Variants in AFF3 observed in about 807,000 individuals in gnomAD.
The protein encoded by AFF3 is AF4/FMR2 family member 3.
Under a neutral mutation model 129.7 loss-of-function variants are expected in AFF3, and 32 were observed. The ratio of observed to expected loss-of-function variants is 0.25; its 90% CI spans 0.19 to 0.33. The LOEUF is 0.33. AFF3 is among the 10% of genes least tolerant of loss of function. The probability of loss-of-function intolerance (pLI) is 1.00; values close to 1 mark genes in which losing one functional copy is unlikely to be tolerated. For synonymous variants in AFF3, 644 were observed against 635.4 expected (o/e 1.01, Z -0.20); for missense variants, 1,373 against 1,592.0 (o/e 0.86, Z 2.34).
At chr2:99,721,461 A>G (rs1678880191) in intron 11 of AFF3, among the ~76,000 whole-genome samples, 1 of 151,446 alleles carries the variant, frequency 6.6e-6, no homozygotes. Flanking sequence ...CCTGGGAGGC[A>G]GAGGTTGCAG....
At chr2:99,877,909 A>G (rs1017719466) in intron 7 of AFF3, among the ~76,000 whole-genome samples, 1 of 152,312 alleles carries the variant, frequency 6.6e-6, no homozygotes, top group East Asian at 1.9e-4. Context: ...GAGAGTAGTA[A>G]GAAGTACTGA....
chr2:99,708,304 C>T (rs12712058), intron 11 of AFF3, among the ~76,000 whole-genome samples: 37,041 of 152,088 alleles, frequency 0.24, 4,684 homozygotes, highest in African/African-American at 0.3. Context: ...CTCCTATCCT[C>T]TTGAACGCTT....
chr2:99,633,583 G>A (rs979652324), intron 13 of AFF3, among the ~76,000 whole-genome samples: 1 of 152,162 alleles, frequency 6.6e-6, no homozygotes, highest in South Asian at 2.1e-4. Flanking sequence ...GTGGTTTTGG[G>A]CCTGGTGGGA....
chr2:100,120,771 C>T (rs926769247), intron 2 of AFF3, among the ~76,000 whole-genome samples: 2 of 152,104 alleles, frequency 1.3e-5, no homozygotes, highest in African/African-American at 4.8e-5. Flanking sequence ...AGCGATCCTC[C>T]ATGCCTCCAT....
chr2:99,569,436 A>G (rs901746462), intron 18 of AFF3, among the ~76,000 whole-genome samples: 2 of 152,224 alleles, frequency 1.3e-5, no homozygotes, highest in Non-Finnish European at 2.9e-5. Flanking sequence ...AAAAAGAGGT[A>G]ATGTTGGATG....
At chr2:100,027,690 A>G (rs1381380443) in intron 4 of AFF3, among the ~76,000 whole-genome samples, 3 of 152,176 alleles carry the variant, frequency 2.0e-5, no homozygotes, top group Non-Finnish European at 2.9e-5. Flanking sequence ...TGTTTGATAA[A>G]CAAGTTATTA....
At chr2:99,791,388 C>T (rs933828072) in intron 8 of AFF3, among the ~76,000 whole-genome samples, 2 of 152,172 alleles carry the variant, frequency 1.3e-5, no homozygotes, top group African/African-American at 4.8e-5. Flanking sequence ...CACCTAATGT[C>T]ATGTAAATAC....
At chr2:99,950,404 A>C (rs1676036960) in intron 7 of AFF3, among the ~76,000 whole-genome samples, 1 of 152,192 alleles carries the variant, frequency 6.6e-6, no homozygotes, top group South Asian at 2.1e-4. Flanking sequence ...AGGTTCTAGG[A>C]GAGGAAGAAT....
At chr2:99,847,544 T>C (rs867711125) in intron 7 of AFF3, among the ~76,000 whole-genome samples, 24 of 152,002 alleles carry the variant, frequency 1.6e-4, no homozygotes, top group African/African-American at 3.4e-4. Flanking sequence ...ATAGTGGCAA[T>C]CTATTTTATC....
chr2:99,797,066 C>T (rs1480546998), intron 8 of AFF3, among the ~76,000 whole-genome samples: 1 of 152,024 alleles, frequency 6.6e-6, no homozygotes, highest in African/African-American at 2.4e-5. Context: ...CTGGGTCCAA[C>T]CAAAGATTAC....
intron 20 of AFF3, among the ~76,000 whole-genome samples, chr2:99,560,879 T>C (rs548030490): frequency 5.2e-5 from 8 of 152,382 alleles, no homozygotes; most frequent in Admixed American, 2.6e-4. Context: ...TTCTTTGTTA[T>C]GTAACTTTTA....
At chr2:99,712,884 T>C (rs1325599879) in intron 11 of AFF3, among the ~76,000 whole-genome samples, 3 of 152,208 alleles carry the variant, frequency 2.0e-5, no homozygotes, top group Admixed American at 2.0e-4. Context: ...TCTGTACATA[T>C]AATGGAATAT....
chr2:99,782,922 A>G (rs1197399318), intron 8 of AFF3, among the ~76,000 whole-genome samples: 1 of 152,256 alleles, frequency 6.6e-6, no homozygotes, highest in East Asian at 1.9e-4. Context: ...CCAAACAAAT[A>G]GTTTTAAACA....
At chr2:99,589,396 C>CTTTT (rs1559510828) in intron 15 of AFF3, among the ~76,000 whole-genome samples, 2 of 98,368 alleles carry the variant, frequency 2.0e-5, no homozygotes, top group African/African-American at 7.5e-5. Flanking sequence ...AAGATGTCAA[C>CTTTT]ATTTTTTTTT....
At chr2:99,978,438 G>A (rs1032250615) in intron 7 of AFF3, among the ~76,000 whole-genome samples, 1 of 152,146 alleles carries the variant, frequency 6.6e-6, no homozygotes, top group African/African-American at 2.4e-5. Context: ...GCATCAATAA[G>A]AGTAATATTA....
chr2:100,108,615 C>T (rs1691403328), intron 2 of AFF3, among the ~76,000 whole-genome samples: 2 of 152,116 alleles, frequency 1.3e-5, no homozygotes, highest in African/African-American at 4.8e-5. Context: ...GGACATACTC[C>T]CTGCAAATGG....
intron 13 of AFF3, among the ~76,000 whole-genome samples, chr2:99,642,823 G>A (rs949198008): frequency 6.6e-6 from 1 of 151,968 alleles, no homozygotes; most frequent in African/African-American, 2.4e-5. Context: ...ACCTGTTCGC[G>A]GCTCAGTTTT....
At chr2:99,592,226 C>T (rs1678754383) in intron 15 of AFF3, among the ~76,000 whole-genome samples, 1 of 152,190 alleles carries the variant, frequency 6.6e-6, no homozygotes, top group Non-Finnish European at 1.5e-5. Context: ...CCAGCTCTCC[C>T]TGTCCTTGCT....
chr2:99,903,644 A>T (rs1329627593), intron 7 of AFF3, among the ~76,000 whole-genome samples: 1 of 152,336 alleles, frequency 6.6e-6, no homozygotes, highest in Non-Finnish European at 1.5e-5. Context: ...TGAGATTTTT[A>T]AAAACTAGAT....
Sources: gnomAD v4.1 joint callset for allele counts (sites outside exome capture counted in the v4.1 genomes callset) on GRCh38, gnomAD v4.1.1 for gene constraint, MANE v1.5 for transcripts, NCBI Gene and HGNC (gene_info 2026-07-23, HGNC 2026-07-21) for gene names.